The following SOAT1 variants were observed in gnomAD, a reference collection of about 807,000 sequenced individuals.
SOAT1 encodes sterol O-acyltransferase 1, also known as acyl-coenzyme A:cholesterol acyltransferase 1.
A neutral mutation model predicts 69.5 loss-of-function variants in SOAT1; 55 were observed. The observed-to-expected ratio is 0.79, with a 90% confidence interval of 0.64 to 0.99. The LOEUF (loss-of-function observed/expected upper bound fraction) is 0.99, where lower values mean the gene tolerates loss of function less well. Among genes scored for constraint, SOAT1 ranks in the 50% least tolerant of loss-of-function variants. SOAT1 has a pLI of 0.00. For synonymous variants in SOAT1, 231 were observed against 224.7 expected (o/e 1.03, Z -0.25); for missense variants, 580 against 669.3 (o/e 0.87, Z 1.47).
Position 179,345,090 on chromosome 1 carries a change from T to G in SOAT1, c.1117+14T>G, listed in dbSNP as rs1666481639. 7 of 1,612,426 alleles carry G rather than the reference T, an allele frequency of 4.3e-6. No homozygotes were observed. Among genetic ancestry groups the G allele is most frequent in the Non-Finnish European group, 5.9e-6 (7 of 1,178,894 alleles). ...CCATCTTGCCAGGTAACATGGGTAC[T>G]TGTTAATTTGGTCATGCATAAATTC... is the stretch of plus-strand genomic sequence containing the variant. On this transcript the variant is annotated intron_variant, in intron 11 of 15. Coordinates refer to ENST00000367619, the MANE Select transcript of SOAT1 (RefSeq NM_003101.6).
At chr1:179,317,839 T>C (rs1311501859) in intron 2 of SOAT1, among the ~76,000 whole-genome samples, 1 of 152,144 alleles carries the variant, frequency 6.6e-6, no homozygotes, top group Non-Finnish European at 1.5e-5. Flanking sequence ...AGATATTTAG[T>C]ATCTCATTAT....
intron 3 of SOAT1, among the ~76,000 whole-genome samples, chr1:179,334,158 T>A (rs1326892371): frequency 6.6e-6 from 1 of 152,220 alleles, no homozygotes; most frequent in African/African-American, 2.4e-5. Context: ...GCCTGCTGCC[T>A]GGGAGTAGTC....
At position 179,350,343 on chromosome 1, in the gene SOAT1, T is replaced by C; in HGVS notation, c.1362T>C (p.Ala454=). The change falls in exon 14 of 16, where the codon GCT becomes GCC. Residue 454 remains alanine, a synonymous_variant. Transcript: ENST00000367619. ...FKSAAMLAVF[A]VSAVVHEYAL... Reference sequence around the variant, plus strand: ...CTGCTGCCATGTTAGCTGTCTTTGCTGTATCTGCTGTAGTACACGAATATG... The same window carrying C: ...CTGCTGCCATGTTAGCTGTCTTTGCCGTATCTGCTGTAGTACACGAATATG... 3 of 1,614,064 alleles carry C rather than the reference T, an allele frequency of 1.9e-6. No individual in the cohort carries two copies. Among genetic ancestry groups the C allele is most frequent in the Non-Finnish European group, 2.5e-6 (3 of 1,179,914 alleles).
chr1:179,325,595 A>G (rs552625588), intron 3 of SOAT1, among the ~76,000 whole-genome samples: 257 of 152,300 alleles, frequency 1.7e-3, no homozygotes, highest in Non-Finnish European at 3.0e-3. Flanking sequence ...TATCAAGAAC[A>G]CAAAAACATA....
chr1:179,329,818 A>C (rs1385246114), intron 3 of SOAT1, among the ~76,000 whole-genome samples: 1 of 152,140 alleles, frequency 6.6e-6, no homozygotes, highest in Non-Finnish European at 1.5e-5. Context: ...AAATCCTGTG[A>C]TTATTGTGTA....
At chr1:179,305,201 G>A (rs1416806064) in intron 2 of SOAT1, among the ~76,000 whole-genome samples, 1 of 152,128 alleles carries the variant, frequency 6.6e-6, no homozygotes, top group African/African-American at 2.4e-5. Flanking sequence ...AGAACATGTG[G>A]CCTTTGTGTG....
Position 179,345,150 on chromosome 1 carries a change from C to T in SOAT1, c.1117+74C>T, listed in dbSNP as rs1666484155. 4.1e-6 allele frequency: 6 copies of T among 1,477,784 alleles called. No homozygotes were observed. The South Asian group carries it at 5.9e-5, about 14-fold the overall frequency. The allele number at this position is 1,477,784 out of a possible 1,614,324, so 91.5% of individuals were successfully genotyped here. A position where few individuals can be genotyped will look rare whatever the true frequency, so the allele number is the denominator to read the frequency against. On this transcript the variant is annotated intron_variant, in intron 11 of 15. Coordinates refer to ENST00000367619, the MANE Select transcript of SOAT1 (RefSeq NM_003101.6). ...ATAGAAAGCTATTGCCTATGAGCAC[C>T]TTTGCTTTGCCTACTTTTTCATCTA...
At chr1:179,350,022 A>T (rs754274921) in intron 13 of SOAT1, among the ~76,000 whole-genome samples, 2 of 152,230 alleles carry the variant, frequency 1.3e-5, no homozygotes, top group Non-Finnish European at 2.9e-5. Flanking sequence ...TTTCATTTAT[A>T]TAGGAAAACT....
rs765452076 is a variant in SOAT1 at position 179,323,420 on chromosome 1, T to C, written c.119-17T>C. On this transcript the variant is annotated splice_polypyrimidine_tract_variant and intron_variant, in intron 2 of 15. Coordinates refer to ENST00000367619, the MANE Select transcript of SOAT1 (RefSeq NM_003101.6). ...TGTATCCATCAACTTAAAAGTCATG[T>C]TTTTTTCTTCCCGTAGGTCGAATTG... 4 of 1,611,652 alleles carry C rather than the reference T, an allele frequency of 2.5e-6. No individual in the cohort carries two copies. The highest frequency in any genetic ancestry group is 8.5e-7 in the Non-Finnish European group (1 of 1,178,450).
chr1:179,322,380 T>C (rs961037213), intron 2 of SOAT1, among the ~76,000 whole-genome samples: 2 of 151,910 alleles, frequency 1.3e-5, no homozygotes, highest in Admixed American at 1.3e-4. Context: ...TTCTCCTTTT[T>C]TTTCTTTTTT....
At chr1:179,311,374 T>G (rs1665214725) in intron 2 of SOAT1, among the ~76,000 whole-genome samples, 1 of 150,886 alleles carries the variant, frequency 6.6e-6, no homozygotes. Context: ...TTAAAATTTG[T>G]AACAAGTTTA....
chr1:179,321,945 C>T (rs573029809), intron 2 of SOAT1, among the ~76,000 whole-genome samples: 22 of 151,258 alleles, frequency 1.5e-4, no homozygotes, highest in African/African-American at 2.7e-4. Flanking sequence ...TGCAGTGGTG[C>T]GATCACGCTC....
At chr1:179,310,707 G>A (rs1432565543) in intron 2 of SOAT1, among the ~76,000 whole-genome samples, 5 of 152,134 alleles carry the variant, frequency 3.3e-5, no homozygotes, top group African/African-American at 1.2e-4. Context: ...CTGAAATGTA[G>A]GTATTATAAG....
intron 1 of SOAT1, among the ~76,000 whole-genome samples, chr1:179,299,866 G>T (rs1358034640): frequency 7.1e-6 from 1 of 140,146 alleles, no homozygotes; most frequent in African/African-American, 2.7e-5. Flanking sequence ...CCATTCTCCT[G>T]CCTCAGCCTC....
intron 1 of SOAT1, among the ~76,000 whole-genome samples, chr1:179,294,747 G>A (rs567609656): frequency 6.6e-6 from 1 of 152,126 alleles, no homozygotes; most frequent in South Asian, 2.1e-4. Flanking sequence ...GGACCAGGTT[G>A]GTCTCAAACT....
At position 179,344,352 on chromosome 1, in the gene SOAT1, G is replaced by GTTTTTTTTTTTTTTTTTTT. The variant is rs762911049; in HGVS notation, c.988-595_988-594insTTTTTTTTTTTTTTTTTTT. 5.0e-5 allele frequency among the ~76,000 whole-genome samples: 6 copies of GTTTTTTTTTTTTTTTTTTT among 120,524 alleles called. 2 individuals carry two copies. Among genetic ancestry groups the GTTTTTTTTTTTTTTTTTTT allele is most frequent in the Non-Finnish European group, 1.8e-5 (1 of 57,132 alleles). The allele number at this position is 120,524 out of a possible 152,430, so 79.1% of individuals were successfully genotyped here. A position where few individuals can be genotyped will look rare whatever the true frequency, so the allele number is the denominator to read the frequency against. On this transcript the variant is annotated intron_variant, in intron 10 of 15. Coordinates refer to ENST00000367619, the MANE Select transcript of SOAT1 (RefSeq NM_003101.6). Reference sequence around the variant, plus strand: ...TATGAAGTAAGTTCTTTCATTAAGGGGTTTTTTTTTTTTTTTTTTTTTTTT... The same window carrying GTTTTTTTTTTTTTTTTTTT: ...TATGAAGTAAGTTCTTTCATTAAGGGTTTTTTTTTTTTTTTTTTTGTTTTTTTTTTTTTTTTTTTTTTTT...
chr1:179,302,750 A>G lies in SOAT1; in HGVS notation c.66A>G (p.Glu22=). ...CAAAGTCCAGGGAAAATCCTGAGGA[A>G]GATGAAGACCAGAGAAACCCTGCAA... ...RLSKSRENPE[E]DEDQRNPAKE... The change falls in exon 2 of 16, where the codon GAA becomes GAG. Residue 22 remains glutamate, a synonymous_variant. Coordinates refer to ENST00000367619, the MANE Select transcript of SOAT1 (RefSeq NM_003101.6). 6.2e-7 allele frequency: 1 copy of G among 1,610,452 alleles called. No homozygotes were observed. Among genetic ancestry groups the G allele is most frequent in the East Asian group, 2.2e-5 (1 of 44,862 alleles).
At chr1:179,335,135 G>A (rs563046981) in intron 3 of SOAT1, among the ~76,000 whole-genome samples, 3 of 152,128 alleles carry the variant, frequency 2.0e-5, no homozygotes, top group South Asian at 4.1e-4. Context: ...AAGCTGAGGC[G>A]GGAAGATTGC....
In SOAT1 at chr1:179,336,346, C is replaced by T. The variant is rs114948688; in HGVS notation, c.329+689C>T. Among the ~76,000 whole-genome samples the T allele has an allele frequency of 7.1e-3, 1,070 of 151,152 alleles. 12 individuals are homozygous for T. The highest frequency in any genetic ancestry group is 0.024 in the African/African-American group (983 of 41,128). On this transcript the variant is annotated intron_variant, in intron 4 of 15. Transcript: ENST00000367619. ...GACGTGGTCGTGCACGCCTGTCGTCCGCCTGTCGTCCCAGCTGCTCAGGAG... is the reference window on the plus strand; with the variant it reads ...GACGTGGTCGTGCACGCCTGTCGTCTGCCTGTCGTCCCAGCTGCTCAGGAG...
Sources: allele counts gnomAD v4.1 joint callset (sites outside exome capture counted in the v4.1 genomes callset), GRCh38; gene constraint gnomAD v4.1.1; transcripts MANE v1.5; gene names NCBI Gene and HGNC (gene_info 2026-07-23, HGNC 2026-07-21).